TRHDE: variants seen among roughly 807,000 people sequenced by gnomAD.
TRHDE encodes the protein thyrotropin-releasing hormone-degrading ectoenzyme.
In TRHDE, 72 loss-of-function variants were observed where a neutral mutation model predicts 125.7. The ratio of observed to expected loss-of-function variants is 0.57; its 90% CI spans 0.47 to 0.70. The LOEUF is 0.70. Ranked by LOEUF, TRHDE falls within the 30% of genes least tolerant of loss-of-function variation. The probability of loss-of-function intolerance (pLI) is 0.00; values close to 1 mark genes in which losing one functional copy is unlikely to be tolerated. For synonymous variants in TRHDE, 509 were observed against 509.1 expected, an observed-to-expected ratio of 1.00 and a Z score of 0.00; for missense variants, 1,110 against 1,327.1, an observed-to-expected ratio of 0.84 and a Z score of 2.54.
At chr12:72,087,964 A>C (rs1429446478) in intron 1 of TRHDE, among the ~76,000 whole-genome samples, 1 of 152,094 alleles carries the variant, frequency 6.6e-6, no homozygotes, top group Non-Finnish European at 1.5e-5. Flanking sequence ...TGGAGAAAAA[A>C]GTGAAGTCAA....
intron 5 of TRHDE, among the ~76,000 whole-genome samples, chr12:72,495,202 A>G (rs1278497811): frequency 6.6e-6 from 1 of 151,728 alleles, no homozygotes; most frequent in Non-Finnish European, 1.5e-5. Flanking sequence ...TTCATTCAAA[A>G]TATCTCTCAG....
At chr12:72,632,993 A>C (rs1374669899) in intron 15 of TRHDE, among the ~76,000 whole-genome samples, 7 of 152,014 alleles carry the variant, frequency 4.6e-5, no homozygotes, top group Admixed American at 3.9e-4. Context: ...AAGTGATCTT[A>C]TAGCCCAGCT....
chr12:72,268,581 C>A (rs1428200207), upstream of TRHDE, among the ~76,000 whole-genome samples: 1 of 152,050 alleles, frequency 6.6e-6, no homozygotes, highest in African/African-American at 2.4e-5. Context: ...TGTTTCTGGA[C>A]ATGAGGTTTT....
chr12:72,654,777 CCT>C (rs1349020664), intron 17 of TRHDE, among the ~76,000 whole-genome samples: 2 of 151,956 alleles, frequency 1.3e-5, no homozygotes, highest in African/African-American at 4.8e-5. Context: ...TTGAATTATT[CCT>C]CTCTTTTTTT....
chr12:72,098,439 A>G (rs1044788638), intron 1 of TRHDE, among the ~76,000 whole-genome samples: 3 of 152,046 alleles, frequency 2.0e-5, no homozygotes, highest in Non-Finnish European at 4.4e-5. Context: ...GGTTGTGGTA[A>G]TCGTTTATGG....
chr12:72,387,443 G>T (rs958451140), intron 3 of TRHDE, among the ~76,000 whole-genome samples: 3 of 151,574 alleles, frequency 2.0e-5, no homozygotes, highest in Admixed American at 6.6e-5. Flanking sequence ...GCTAGTATTC[G>T]CATTCCAACC....
chr12:72,191,803 A>C (rs190601498), intron 2 of TRHDE, among the ~76,000 whole-genome samples: 137 of 152,318 alleles, frequency 9.0e-4, no homozygotes, highest in African/African-American at 3.1e-3. Flanking sequence ...ACAGAATAAA[A>C]GTGTAAACAA....
At chr12:72,313,463 T>C (rs1016448996) in intron 2 of TRHDE, among the ~76,000 whole-genome samples, 5 of 152,128 alleles carry the variant, frequency 3.3e-5, no homozygotes. Context: ...ACTGTGATAG[T>C]ATAAGATATA....
rs555319047 is a variant in TRHDE at position 72,304,553 on chromosome 12, A to C, written c.1188+17599A>C. Among the ~76,000 whole-genome samples the C allele has an allele frequency of 2.0e-5, 3 of 152,332 alleles. No individual in the cohort carries two copies. In the South Asian group the frequency reaches 6.2e-4, roughly 32 times the overall value. On this transcript the variant is annotated intron_variant, in intron 2 of 18. Transcript: ENST00000261180. ...GGCCTCTCTCCATGATAGCTAGTTCATGAATCAAGTAGAAAAAATACCTAG... is the reference window on the plus strand; with the variant it reads ...GGCCTCTCTCCATGATAGCTAGTTCCTGAATCAAGTAGAAAAAATACCTAG...
intron 3 of TRHDE, among the ~76,000 whole-genome samples, chr12:72,432,745 A>T (rs978063789): frequency 5.3e-5 from 8 of 152,162 alleles, no homozygotes; most frequent in African/African-American, 7.2e-5. Flanking sequence ...AGGATTTTCT[A>T]TGTAAAATGT....
intron 2 of TRHDE, among the ~76,000 whole-genome samples, chr12:72,243,970 G>A (rs930976603): frequency 4.6e-5 from 7 of 152,120 alleles, no homozygotes; most frequent in African/African-American, 1.7e-4. Flanking sequence ...CACAGACCAG[G>A]TGTGTAGGGT....
At chr12:72,507,812 G>T (rs1878420317) in intron 6 of TRHDE, among the ~76,000 whole-genome samples, 1 of 152,206 alleles carries the variant, frequency 6.6e-6, no homozygotes, top group Non-Finnish European at 1.5e-5. Context: ...CCCATCATAG[G>T]CCTGGAGACC....
chr12:72,419,233 T>C (rs10879424), intron 3 of TRHDE, among the ~76,000 whole-genome samples: 15,347 of 152,166 alleles, frequency 0.1, 1,252 homozygotes, highest in East Asian at 0.48. Context: ...ACTGGTCTAT[T>C]TATCCAGGAA....
chr12:72,184,109 G>C (rs973834150), intron 2 of TRHDE, among the ~76,000 whole-genome samples: 9 of 152,108 alleles, frequency 5.9e-5, no homozygotes, highest in African/African-American at 1.9e-4. Flanking sequence ...GGTTGTGCAG[G>C]CCACTCGTTC....
intron 10 of TRHDE, among the ~76,000 whole-genome samples, chr12:72,570,807 G>A (rs1454808278): frequency 1.3e-5 from 2 of 152,120 alleles, no homozygotes; most frequent in Admixed American, 6.6e-5. Context: ...TGTAGGAGGC[G>A]CTATTTGCAC....
chr12:72,299,625 T>C lies in TRHDE; in HGVS notation c.1188+12671T>C, dbSNP rs148811051. ...AATTAAGATCAAAGAGATAACTGAC[T>C]GAGCAGAATTCATCAGAAGTTCATA... On this transcript the variant is annotated intron_variant, in intron 2 of 18. Transcript: ENST00000261180. Among the ~76,000 whole-genome samples, 138 of 152,342 alleles carry C rather than the reference T, an allele frequency of 9.1e-4. 1 individual carries two copies. Among genetic ancestry groups the C allele is most frequent in the South Asian group, 4.3e-3 (21 of 4,832 alleles).
chr12:72,305,040 G>A (rs1036855943), intron 2 of TRHDE, among the ~76,000 whole-genome samples: 1 of 152,094 alleles, frequency 6.6e-6, no homozygotes, highest in African/African-American at 2.4e-5. Context: ...GAGAGAGAGA[G>A]TAGATATTAA....
At chr12:72,588,635 G>T (rs188886295) in intron 12 of TRHDE, among the ~76,000 whole-genome samples, 1 of 152,288 alleles carries the variant, frequency 6.6e-6, no homozygotes, top group East Asian at 1.9e-4. Flanking sequence ...GCTCTGTTAA[G>T]AATATACTAT....
chr12:72,452,835 C>G (rs912017463), intron 3 of TRHDE, among the ~76,000 whole-genome samples: 1 of 152,062 alleles, frequency 6.6e-6, no homozygotes, highest in Non-Finnish European at 1.5e-5. Context: ...GCCTACTCCC[C>G]CTTTGCCATG....
Sources: gnomAD v4.1 joint callset for allele counts (sites outside exome capture counted in the v4.1 genomes callset) on GRCh38, gnomAD v4.1.1 for gene constraint, MANE v1.5 for transcripts, NCBI Gene and HGNC (gene_info 2026-07-23, HGNC 2026-07-21) for gene names.